Variants in DAB1 observed in about 807,000 individuals in gnomAD.
DAB1 encodes disabled homolog 1.
A neutral mutation model predicts 64.6 loss-of-function variants in DAB1; 15 were observed. The observed-to-expected ratio is 0.23, with a 90% confidence interval of 0.16 to 0.36. The LOEUF is 0.36. Among genes scored for constraint, DAB1 ranks in the 10% least tolerant of loss-of-function variants. DAB1 has a pLI of 1.00. For synonymous variants in DAB1, 235 were observed against 251.9 expected (o/e 0.93, Z 0.64); for missense variants, 596 against 706.7 (o/e 0.84, Z 1.78).
At chr1:58,497,896 T>C (rs1271899405) in intron 3 of DAB1, among the ~76,000 whole-genome samples, 4 of 152,180 alleles carry the variant, frequency 2.6e-5, no homozygotes, top group Non-Finnish European at 4.4e-5. Flanking sequence ...TCTTGGAGAA[T>C]TATTCATTCC....
At chr1:57,172,588 A>T (rs564901246) in intron 2 of DAB1, among the ~76,000 whole-genome samples, 1 of 152,178 alleles carries the variant, frequency 6.6e-6, no homozygotes, top group South Asian at 2.1e-4. Flanking sequence ...TTCTGGTGAG[A>T]GCCTTGAGCT....
intron 7 of DAB1, among the ~76,000 whole-genome samples, chr1:57,526,099 A>G (rs1036880822): frequency 2.6e-5 from 4 of 151,876 alleles, no homozygotes; most frequent in Admixed American, 6.6e-5. Flanking sequence ...CACCACACCC[A>G]GCTAATTTTT....
chr1:57,831,992 T>G (rs140181913), intron 1 of DAB1, among the ~76,000 whole-genome samples: 123 of 152,300 alleles, frequency 8.1e-4, no homozygotes, highest in Admixed American at 3.4e-3. Context: ...AGAAGACACA[T>G]GCTAAACAAT....
chr1:57,508,506 T>C (rs1644372281), intron 7 of DAB1, among the ~76,000 whole-genome samples: 1 of 152,252 alleles, frequency 6.6e-6, no homozygotes, highest in African/African-American at 2.4e-5. Flanking sequence ...CTTTATCCCA[T>C]GGCTTGGCAA....
chr1:57,072,478 A>T (rs1651577816), intron 4 of DAB1, 64 bp from the exon 5 acceptor site: 1 of 1,576,716 alleles, frequency 6.3e-7, no homozygotes, highest in African/African-American at 1.4e-5. Flanking sequence ...GTTGATCAAT[A>T]AGAAATGTGT....
At chr1:58,065,182 C>G (rs1330081659) in intron 5 of DAB1, among the ~76,000 whole-genome samples, 1 of 152,160 alleles carries the variant, frequency 6.6e-6, no homozygotes, top group Non-Finnish European at 1.5e-5. Context: ...AGGCCAAGCA[C>G]TGATAGTTTC....
rs1398669245 is a variant in DAB1, at chr1:58,276,620, G to T, written n.309+66732C>A. On this transcript the variant is annotated intron_variant and non_coding_transcript_variant, in intron 4 of 20. Transcript: ENST00000485760. Reference sequence around the variant, plus strand: ...GGCTGATGAGGCTGGAGAGAGGCAAGGTTTGCCTACCCTATTAAGGAGCCT... The same window carrying T: ...GGCTGATGAGGCTGGAGAGAGGCAATGTTTGCCTACCCTATTAAGGAGCCT... Among the ~76,000 whole-genome samples the T allele has an allele frequency of 2.0e-5, 3 of 152,168 alleles. 1 individual carries two copies. Among genetic ancestry groups the T allele is most frequent in the African/African-American group, 7.2e-5 (3 of 41,450 alleles).
chr1:57,749,213 C>G (rs531490192), intron 6 of DAB1, among the ~76,000 whole-genome samples: 1 of 152,258 alleles, frequency 6.6e-6, no homozygotes, highest in South Asian at 2.1e-4. Flanking sequence ...TAGCTTGGCA[C>G]TTGATATCCT....
intron 1 of DAB1, among the ~76,000 whole-genome samples, chr1:57,388,441 T>G (rs559540185): frequency 1.3e-5 from 2 of 152,152 alleles, no homozygotes; most frequent in South Asian, 2.1e-4. Flanking sequence ...GTGTAGGTGG[T>G]TCTGTCCCAA....
chr1:57,236,490 G>C (rs550503360), intron 2 of DAB1, among the ~76,000 whole-genome samples: 1 of 152,150 alleles, frequency 6.6e-6, no homozygotes, highest in African/African-American at 2.4e-5. Context: ...GGAGGGAGGG[G>C]GTTACATTCT....
At chr1:57,459,984 T>C (rs1174063730) in intron 7 of DAB1, among the ~76,000 whole-genome samples, 1 of 152,228 alleles carries the variant, frequency 6.6e-6, no homozygotes, top group Non-Finnish European at 1.5e-5. Flanking sequence ...ATCCTAACAC[T>C]ATACCCACCT....
intron 7 of DAB1, among the ~76,000 whole-genome samples, chr1:57,627,162 C>T (rs987307409): frequency 6.6e-6 from 1 of 152,150 alleles, no homozygotes; most frequent in Non-Finnish European, 1.5e-5. Context: ...TGAGCCGGGA[C>T]AGCCATCTTC....
chr1:58,237,025 C>T (rs906287165), intron 4 of DAB1, among the ~76,000 whole-genome samples: 5 of 135,258 alleles, frequency 3.7e-5, no homozygotes, highest in African/African-American at 1.4e-4. Context: ...ACCCCAATAA[C>T]AAGAAATATT....
chr1:58,074,572 A>ATGTGTGTGTG (rs1557639037), intron 5 of DAB1: 1 of 117,976 alleles, frequency 8.5e-6, no homozygotes, highest in African/African-American at 3.1e-5. Context: ...GTGTATATAT[A>ATGTGTGTGTG]TATATATATA....
At chr1:57,135,990 C>T (rs1166757510) in intron 4 of DAB1, among the ~76,000 whole-genome samples, 33 of 152,158 alleles carry the variant, frequency 2.2e-4, no homozygotes, top group Non-Finnish European at 7.3e-5. Flanking sequence ...GAGTTAATTG[C>T]AGCTGTAAGG....
intron 5 of DAB1, among the ~76,000 whole-genome samples, chr1:58,045,131 G>C (rs1258084297): frequency 6.6e-6 from 1 of 152,154 alleles, no homozygotes; most frequent in South Asian, 2.1e-4. Flanking sequence ...TTGTTGTTAG[G>C]AGCAGAATTT....
intron 7 of DAB1, among the ~76,000 whole-genome samples, chr1:57,592,089 G>T (rs895886620): frequency 4.6e-5 from 7 of 152,188 alleles, no homozygotes; most frequent in Non-Finnish European, 8.8e-5. Flanking sequence ...AAAGCCTGGG[G>T]CTAGCAGTGG....
intron 3 of DAB1, among the ~76,000 whole-genome samples, chr1:58,465,960 G>A (rs1569836891): frequency 6.6e-6 from 1 of 152,270 alleles, no homozygotes; most frequent in Non-Finnish European, 1.5e-5. Flanking sequence ...AGGGACAGGG[G>A]CTGAAGCAGA....
intron 5 of DAB1, among the ~76,000 whole-genome samples, chr1:57,936,142 A>G (rs916010380): frequency 4.6e-5 from 7 of 152,362 alleles, no homozygotes; most frequent in African/African-American, 1.7e-4. Context: ...CAAGGAAGGC[A>G]GGAGCCCTTC....
Sources: gnomAD v4.1 joint callset for allele counts (sites outside exome capture counted in the v4.1 genomes callset) on GRCh38, gnomAD v4.1.1 for gene constraint, MANE v1.5 for transcripts, NCBI Gene and HGNC (gene_info 2026-07-23, HGNC 2026-07-21) for gene names.